The following SH3BP4 variants were observed in gnomAD, a reference collection of about 807,000 sequenced individuals.
The protein encoded by SH3BP4 is SH3 domain-binding protein 4.
In SH3BP4, 33 loss-of-function variants were observed where a neutral mutation model predicts 65.5. The ratio of observed to expected loss-of-function variants is 0.50; its 90% CI spans 0.38 to 0.67. SH3BP4 has a LOEUF of 0.67. Ranked by LOEUF, SH3BP4 falls within the 30% of genes least tolerant of loss-of-function variation. SH3BP4 has a pLI of 0.00. For missense variants in SH3BP4, 1,134 were observed against 1,261.4 expected (o/e 0.90, Z 1.53); for synonymous variants, 552 against 545.5 (o/e 1.01, Z -0.17).
In SH3BP4 at chr2:235,010,812, T is replaced by TCCTAGAACCCTTCCTCAC. The variant is rs1559242837; in HGVS notation, c.-133+15436_-133+15437insCCTAGAACCCTTCCTCAC. Among the ~76,000 whole-genome samples, 233 of 93,070 alleles carry TCCTAGAACCCTTCCTCAC rather than the reference T, an allele frequency of 2.5e-3. 14 individuals are homozygous for TCCTAGAACCCTTCCTCAC. Among genetic ancestry groups the TCCTAGAACCCTTCCTCAC allele is most frequent in the Middle Eastern group, 6.8e-3 (1 of 146 alleles). The allele number at this position is 93,070 out of a possible 152,430, so 61.1% of individuals were successfully genotyped here. A position where few individuals can be genotyped will look rare whatever the true frequency, so the allele number is the denominator to read the frequency against. On this transcript the variant is annotated intron_variant, in intron 2 of 5. Coordinates refer to ENST00000392011, the MANE Select transcript of SH3BP4 (RefSeq NM_014521.3). ...CTCCTAGGAGAAACCTTCCTCCCTC[T>TCCTAGAACCCTTCCTCAC]TCTAGAACCCTTCCTCCCTCTCCTA... is the stretch of plus-strand genomic sequence containing the variant.
intron 2 of SH3BP4, among the ~76,000 whole-genome samples, chr2:235,015,863 A>G (rs2106302666): frequency 6.6e-6 from 1 of 152,186 alleles, no homozygotes; most frequent in African/African-American, 2.4e-5. Flanking sequence ...GTATTGCCAG[A>G]AAGAGACCAC....
chr2:234,983,019 G>A (rs1162766604), intron 1 of SH3BP4, among the ~76,000 whole-genome samples: 2 of 152,214 alleles, frequency 1.3e-5, no homozygotes, highest in African/African-American at 2.4e-5. Context: ...GCCGATTACA[G>A]GTGCTTGGGA....
At chr2:235,044,353 C>T (rs889495770) in intron 4 of SH3BP4, among the ~76,000 whole-genome samples, 1 of 152,226 alleles carries the variant, frequency 6.6e-6, no homozygotes, top group South Asian at 2.1e-4. Flanking sequence ...CACTGCTCCC[C>T]GCAGGCAGCC....
chr2:234,992,391 A>T (rs1693772682), intron 1 of SH3BP4, among the ~76,000 whole-genome samples: 3 of 152,172 alleles, frequency 2.0e-5, no homozygotes, highest in Non-Finnish European at 4.4e-5. Context: ...CCCCATGACC[A>T]AGTGGAGTGA....
chr2:235,039,148 G>C (rs1205735754), intron 3 of SH3BP4, among the ~76,000 whole-genome samples: 1 of 152,172 alleles, frequency 6.6e-6, no homozygotes, highest in Non-Finnish European at 1.5e-5. Flanking sequence ...CCCAGAGCCG[G>C]GTTCTCTGAG....
intron 1 of SH3BP4, among the ~76,000 whole-genome samples, chr2:234,982,403 A>C (rs1643311728): frequency 6.6e-6 from 1 of 152,166 alleles, no homozygotes; most frequent in Non-Finnish European, 1.5e-5. Flanking sequence ...GAGGGTTACC[A>C]GCCTGTCCAG....
At chr2:235,009,018 G>A (rs141181936) in intron 2 of SH3BP4, among the ~76,000 whole-genome samples, 1 of 152,238 alleles carries the variant, frequency 6.6e-6, no homozygotes, top group East Asian at 1.9e-4. Context: ...GTGTTCTCTG[G>A]GATTGTCTAG....
At chr2:235,011,157 TAGG>T (rs72464553) in intron 2 of SH3BP4, among the ~76,000 whole-genome samples, 275 of 98,044 alleles carry the variant, frequency 2.8e-3, no homozygotes, top group African/African-American at 0.019. Context: ...CTCCCTCTCC[TAGG>T]AGAACCCTTC....
intron 3 of SH3BP4, among the ~76,000 whole-genome samples, chr2:235,038,379 ATATATATAT>A (rs1257307022): frequency 3.6e-5 from 1 of 27,576 alleles, no homozygotes; most frequent in African/African-American, 2.3e-4. Context: ...ATATATACAT[ATATATATAT>A]ATATATATAT....
intron 2 of SH3BP4, among the ~76,000 whole-genome samples, chr2:235,001,392 C>A (rs1322339715): frequency 3.3e-5 from 5 of 152,188 alleles, no homozygotes; most frequent in African/African-American, 1.2e-4. Flanking sequence ...TAAGACAAGC[C>A]TATCGCACTT....
intron 2 of SH3BP4, among the ~76,000 whole-genome samples, chr2:235,004,564 C>T (rs1473398538): frequency 1.3e-5 from 2 of 152,142 alleles, no homozygotes; most frequent in Admixed American, 1.3e-4. Flanking sequence ...GCTCTGCTTT[C>T]GGTTTCTATG....
intron 1 of SH3BP4, among the ~76,000 whole-genome samples, chr2:234,989,785 C>T (rs1428179035): frequency 6.6e-6 from 1 of 152,144 alleles, no homozygotes; most frequent in Non-Finnish European, 1.5e-5. Flanking sequence ...AATAGAAAGA[C>T]GTTCTTTGTT....
At chr2:235,002,515 C>T (rs1225485446) in intron 2 of SH3BP4, among the ~76,000 whole-genome samples, 1 of 152,124 alleles carries the variant, frequency 6.6e-6, no homozygotes, top group Non-Finnish European at 1.5e-5. Flanking sequence ...CACTTGAGTC[C>T]AGGAGTTCAA....
intron 1 of SH3BP4, among the ~76,000 whole-genome samples, chr2:234,962,185 G>C (rs888556122): frequency 3.9e-5 from 6 of 152,118 alleles, no homozygotes; most frequent in Non-Finnish European, 7.4e-5. Flanking sequence ...CACCCAGACT[G>C]GAGTGCGGTG....
chr2:234,961,776 G>A (rs745996116), intron 1 of SH3BP4, among the ~76,000 whole-genome samples: 14 of 151,896 alleles, frequency 9.2e-5, no homozygotes, highest in Non-Finnish European at 1.5e-4. Context: ...TCGTAGGTGT[G>A]GACCAGGGGC....
rs183455512 is a variant in SH3BP4 at position 234,968,070 on chromosome 2, G to A, written c.-207+15900G>A. Among the ~76,000 whole-genome samples, 953 of 152,316 alleles carry A rather than the reference G, an allele frequency of 6.3e-3. 3 individuals are homozygous for A. Among genetic ancestry groups the A allele is most frequent in the Non-Finnish European group, 9.3e-3 (633 of 68,026 alleles). ...TCCACCTGGTTCCACCAACCAGTCC[G>A]TAGCTGATGGAATGAAGGGAGCAGC... On this transcript the variant is annotated intron_variant, in intron 1 of 5. Coordinates refer to ENST00000392011, the MANE Select transcript of SH3BP4 (RefSeq NM_014521.3).
At chr2:235,019,430 C>A (rs1020397657) in intron 2 of SH3BP4, among the ~76,000 whole-genome samples, 3 of 135,012 alleles carry the variant, frequency 2.2e-5, no homozygotes, top group African/African-American at 2.7e-5. Context: ...GTGGGAAGGG[C>A]GAATTTTTTT....
At position 235,053,919 on chromosome 2, in the gene SH3BP4, C is replaced by T; in HGVS notation, c.*103C>T. Reference sequence around the variant, plus strand: ...GAAGAGGGAGGAAGGGGCGGCTGCTCAGACAGATTTAGGGCCCGCCAGCTA... The same window carrying T: ...GAAGAGGGAGGAAGGGGCGGCTGCTTAGACAGATTTAGGGCCCGCCAGCTA... On this transcript the variant is annotated 3_prime_UTR_variant, in exon 6 of 6. Coordinates refer to ENST00000392011, the MANE Select transcript of SH3BP4 (RefSeq NM_014521.3). 1 of 947,088 alleles carries T rather than the reference C, an allele frequency of 1.1e-6. No homozygotes were observed. Among genetic ancestry groups the T allele is most frequent in the East Asian group, 2.5e-5 (1 of 39,392 alleles). 58.7% of individuals were successfully genotyped at this position (947,088 alleles called of 1,614,324 possible).
chr2:234,980,684 C>T (rs947219567), intron 1 of SH3BP4, among the ~76,000 whole-genome samples: 3 of 152,166 alleles, frequency 2.0e-5, no homozygotes, highest in African/African-American at 7.2e-5. Context: ...CCTTCAGGTT[C>T]GCCCAGGCTC....
Sources: gnomAD v4.1 joint callset for allele counts (sites outside exome capture counted in the v4.1 genomes callset) on GRCh38, gnomAD v4.1.1 for gene constraint, MANE v1.5 for transcripts, NCBI Gene and HGNC (gene_info 2026-07-23, HGNC 2026-07-21) for gene names.